The following MPHOSPH8 variants were observed in gnomAD, a reference collection of about 807,000 sequenced individuals.
MPHOSPH8 encodes M-phase phosphoprotein 8.
Under a neutral mutation model 87.3 loss-of-function variants are expected in MPHOSPH8, and 45 were observed. That is an observed-to-expected ratio of 0.52 (90% CI 0.41 to 0.66). The LOEUF is 0.66. Ranked by LOEUF, MPHOSPH8 falls within the 30% of genes least tolerant of loss-of-function variation. The pLI, the probability that MPHOSPH8 is intolerant of heterozygous loss-of-function variation, is 0.00. For synonymous variants in MPHOSPH8, 366 were observed against 376.9 expected (o/e 0.97, Z 0.33); for missense variants, 883 against 1,020.2 (o/e 0.87, Z 1.83).
rs202033396 is a variant in MPHOSPH8, at chr13:19,666,382, A to C, written c.2020-43A>C. 3.7e-4 allele frequency: 577 copies of C among 1,561,906 alleles called. 3 individuals are homozygous for C. In the East Asian group the frequency reaches 0.012, roughly 32 times the overall value. ...GAGAAGGGACCAGCACCCATGCCAC[A>C]GTTTACAGCTAAGTAATTGTTACTC... On this transcript the variant is annotated intron_variant, in intron 9 of 13. Coordinates refer to ENST00000361479, the MANE Select transcript of MPHOSPH8 (RefSeq NM_017520.4).
chr13:19,673,098 GTTTTTTTTTT>G lies in MPHOSPH8; in HGVS notation c.*1226_*1235del. 1 of 407,570 alleles carries G rather than the reference GTTTTTTTTTT, an allele frequency of 2.5e-6. No homozygotes were observed. The highest frequency in any genetic ancestry group is 2.2e-5 in the African/African-American group (1 of 44,580). 25.2% of individuals were successfully genotyped at this position (407,570 alleles called of 1,614,324 possible). ...CTTGGAACCTATACGGTTTTTTTTT[GTTTTTTTTTT>G]TTGAAAAGCCAGACCTTGTGCCCTT... On this transcript the variant is annotated 3_prime_UTR_variant, in exon 14 of 14. Coordinates refer to ENST00000361479, the MANE Select transcript of MPHOSPH8 (RefSeq NM_017520.4).
Position 19,673,360 on chromosome 13 carries a change from T to C in MPHOSPH8, c.*1485T>C, listed in dbSNP as rs1026705258. 3.6e-6 allele frequency: 1 copy of C among 278,438 alleles called. No individual in the cohort carries two copies. Among genetic ancestry groups the C allele is most frequent in the Non-Finnish European group, 7.1e-6 (1 of 140,462 alleles). The allele number at this position is 278,438 out of a possible 1,614,324, so 17.2% of individuals were successfully genotyped here. A position where few individuals can be genotyped will look rare whatever the true frequency, so the allele number is the denominator to read the frequency against. Reference sequence around the variant, plus strand: ...AAACTTTTCAGAATTCACGTTTGTGTAGATATTTCAGAGAACCATTTTTAC... The same window carrying C: ...AAACTTTTCAGAATTCACGTTTGTGCAGATATTTCAGAGAACCATTTTTAC... On this transcript the variant is annotated 3_prime_UTR_variant, in exon 14 of 14. Coordinates refer to ENST00000361479, the MANE Select transcript of MPHOSPH8 (RefSeq NM_017520.4).
Position 19,649,671 on chromosome 13 carries a change from G to T in MPHOSPH8, c.1319-332G>T, listed in dbSNP as rs148611155. 4.6e-5 allele frequency among the ~76,000 whole-genome samples: 7 copies of T among 152,304 alleles called. No homozygotes were observed. The East Asian group carries it at 1.4e-3, about 29-fold the overall frequency. ...AGCTATAGACAGTCTGGTGTCTTTA[G>T]CTGTGGGAAAGGTGCTGGTGTGACT... On this transcript the variant is annotated intron_variant, in intron 4 of 13. Coordinates refer to ENST00000361479, the MANE Select transcript of MPHOSPH8 (RefSeq NM_017520.4).
At chr13:19,664,760 G>A (rs900038595) in intron 9 of MPHOSPH8, among the ~76,000 whole-genome samples, 7 of 152,050 alleles carry the variant, frequency 4.6e-5, no homozygotes, top group African/African-American at 1.2e-4. Context: ...GGAGTTGGGC[G>A]TTGGGTCGTG....
Position 19,671,823 on chromosome 13 carries a change from T to A in MPHOSPH8, c.2542-11T>A. 1 of 1,614,040 alleles carries A rather than the reference T, an allele frequency of 6.2e-7. No individual in the cohort carries two copies. Among genetic ancestry groups the A allele is most frequent in the Non-Finnish European group, 8.5e-7 (1 of 1,179,880 alleles). ...ATCTGTACTGACACCTGCGTTCTTT[T>A]CTTTCAACAGGTTAAGTTGCTAATA... On this transcript the variant is annotated splice_polypyrimidine_tract_variant and intron_variant, in intron 13 of 13. Transcript: ENST00000361479.
At chr13:19,634,161 T>G (rs1873865511) in intron 1 of MPHOSPH8, among the ~76,000 whole-genome samples, 200 bp downstream of exon 1, 1 of 152,186 alleles carries the variant, frequency 6.6e-6, no homozygotes, top group African/African-American at 2.4e-5. Context: ...TGAGGGAAGC[T>G]TCAGCAAATT....
At chr13:19,638,411 G>T (rs540968282) in intron 1 of MPHOSPH8, among the ~76,000 whole-genome samples, 1 of 151,906 alleles carries the variant, frequency 6.6e-6, no homozygotes, top group Non-Finnish European at 1.5e-5. Flanking sequence ...TCAGGAGATC[G>T]AGACTATCCT....
In MPHOSPH8 at chr13:19,659,003, C is replaced by T; in HGVS notation, c.1585C>T (p.Gln529Ter). ...GCTATTGTGTGTTCCAGATGGCAGGCAGCAGATTCTGAGTTTGGGCATGGA... is the reference window on the plus strand; with the variant it reads ...GCTATTGTGTGTTCCAGATGGCAGGTAGCAGATTCTGAGTTTGGGCATGGA... The part of the protein sequence containing the change: ...CQADENSDGR[Q>*]QILSLGMDLQ... Residue 529 changes from glutamine (Q) to a stop codon, truncating the protein, a stop_gained, in exon 6 of 14, where the codon CAG becomes TAG. Transcript: ENST00000361479. LOFTEE classifies it high-confidence loss of function. The T allele has an allele frequency of 6.2e-7, 1 of 1,612,958 alleles. No homozygotes were observed. The highest frequency in any genetic ancestry group is 8.5e-7 in the Non-Finnish European group (1 of 1,179,796).
At chr13:19,670,944 TAACTACCTGGGA>T (rs1479674645) in intron 12 of MPHOSPH8, 1 of 992,896 alleles carries the variant, frequency 1.0e-6, no homozygotes, top group Non-Finnish European at 1.4e-6. Flanking sequence ...CTCAGCCTCC[TAACTACCTGGGA>T]CTAAAAATGC....
intron 2 of MPHOSPH8, among the ~76,000 whole-genome samples, chr13:19,642,699 AC>A (rs1293216483): frequency 5.9e-5 from 9 of 151,864 alleles, no homozygotes; most frequent in African/African-American, 2.2e-4. Flanking sequence ...AAAAAAAAAA[AC>A]AACTTAGAAC....
chr13:19,644,684 ACTT>A (rs1874479371), intron 2 of MPHOSPH8, among the ~76,000 whole-genome samples: 1 of 152,178 alleles, frequency 6.6e-6, no homozygotes, highest in South Asian at 2.1e-4. Context: ...ATATTCACTG[ACTT>A]CTTTTGTTTC....
At chr13:19,666,643 T>TTA (rs1565943814) in intron 10 of MPHOSPH8, 64 bp downstream of exon 10, 1 of 1,438,766 alleles carries the variant, frequency 7.0e-7, no homozygotes, top group East Asian at 2.3e-5. Context: ...TGTAGACATA[T>TTA]TATAATTGGA....
chr13:19,634,072 G>A (rs1873861566), intron 1 of MPHOSPH8, 111 bp downstream of exon 1: 1 of 1,130,762 alleles, frequency 8.8e-7, no homozygotes, highest in Non-Finnish European at 1.3e-6. Flanking sequence ...GGGGAGGAAT[G>A]TGAGAGTTCA....
intron 9 of MPHOSPH8, 80 bp from the exon 10 acceptor site, chr13:19,666,345 T>C (rs1385831784): frequency 7.1e-7 from 1 of 1,407,324 alleles, no homozygotes; most frequent in Non-Finnish European, 9.7e-7. Flanking sequence ...ACAGAACCGC[T>C]AAGCATGTAT....
intron 5 of MPHOSPH8, among the ~76,000 whole-genome samples, chr13:19,656,936 A>C (rs1415503919): frequency 6.6e-6 from 1 of 151,184 alleles, no homozygotes; most frequent in Non-Finnish European, 1.5e-5. Context: ...AGCCTGGCCA[A>C]CATGGTGAAA....
Position 19,647,044 on chromosome 13 carries a change from C to T in MPHOSPH8, c.971C>T (p.Thr324Ile). Residue 324 changes from threonine to isoleucine, a missense_variant, in exon 3 of 14, where the codon ACC (threonine) becomes ATC (isoleucine). This residue lies in a region of MPHOSPH8 where 741 missense variants were observed against 841.5 expected (regional missense o/e 0.88). Transcript: ENST00000361479. ...AGTGCCATGAGTGCTGAGGAGGATA[C>T]CGATGTCAGAGGCAGGAGGAAAAAG... is the stretch of plus-strand genomic sequence containing the variant. ...LDSAMSAEEDTDVRGRRKKKT... is the reference protein window; with the variant it reads ...LDSAMSAEEDIDVRGRRKKKT... 6.2e-7 allele frequency: 1 copy of T among 1,606,848 alleles called. No individual in the cohort carries two copies. The highest frequency in any genetic ancestry group is 8.5e-7 in the Non-Finnish European group (1 of 1,178,200).
chr13:19,643,101 C>T (rs989516440), intron 2 of MPHOSPH8, among the ~76,000 whole-genome samples: 1 of 151,912 alleles, frequency 6.6e-6, no homozygotes, highest in Non-Finnish European at 1.5e-5. Context: ...GTATTTTTAG[C>T]TTTTTTTTCT....
chr13:19,641,927 A>G (rs190067644), intron 1 of MPHOSPH8, among the ~76,000 whole-genome samples, 188 bp from the exon 2 acceptor site: 1 of 151,912 alleles, frequency 6.6e-6, no homozygotes, highest in East Asian at 1.9e-4. Flanking sequence ...ATCCCACTGC[A>G]CCTGGTCAAT....
In MPHOSPH8 at chr13:19,672,225, A is replaced by G. The variant is rs1301027935; in HGVS notation, c.*350A>G. 5.0e-6 allele frequency: 1 copy of G among 200,686 alleles called. No homozygotes were observed. Among genetic ancestry groups the G allele is most frequent in the Admixed American group, 5.3e-5 (1 of 18,736 alleles). 12.4% of individuals were successfully genotyped at this position (200,686 alleles called of 1,614,324 possible). ...AATGGTGCGATCTCGGCTCACTGCA[A>G]GCTCTGCCTCCTGGGTTCAAGTGAT... is the stretch of plus-strand genomic sequence containing the variant. On this transcript the variant is annotated 3_prime_UTR_variant, in exon 14 of 14. Transcript: ENST00000361479.
Sources: gnomAD v4.1 joint callset for allele counts (sites outside exome capture counted in the v4.1 genomes callset) on GRCh38, gnomAD v4.1.1 for gene constraint, gnomAD v4.1.1 regional missense constraint, MANE v1.5 for transcripts, NCBI Gene and HGNC (gene_info 2026-07-23, HGNC 2026-07-21) for gene names.